SPOCK1: variants seen among roughly 807,000 people sequenced by gnomAD.
SPOCK1 encodes the protein testican-1.
In SPOCK1, 23 loss-of-function variants were observed where a neutral mutation model predicts 55.3. The ratio of observed to expected loss-of-function variants is 0.42; its 90% CI spans 0.30 to 0.59. The LOEUF is 0.59. SPOCK1 is among the 20% of genes least tolerant of loss of function. The pLI, the probability that SPOCK1 is intolerant of heterozygous loss-of-function variation, is 0.22. For synonymous variants in SPOCK1, 226 were observed against 221.0 expected (o/e 1.02, Z -0.20); for missense variants, 499 against 552.5 (o/e 0.90, Z 0.97).
chr5:137,445,903 A>G (rs1753118062), intron 2 of SPOCK1, among the ~76,000 whole-genome samples: 1 of 152,216 alleles, frequency 6.6e-6, no homozygotes, highest in South Asian at 2.1e-4. Context: ...AACTAGATAT[A>G]GTTTTCTAAA....
chr5:137,474,909 A>T (rs1350462762), intron 2 of SPOCK1, among the ~76,000 whole-genome samples: 1 of 152,230 alleles, frequency 6.6e-6, no homozygotes. Context: ...GTAATACTAT[A>T]GGAAAGGACC....
chr5:137,133,462 C>T (rs765563688), intron 4 of SPOCK1, among the ~76,000 whole-genome samples: 48 of 152,150 alleles, frequency 3.2e-4, no homozygotes, highest in Non-Finnish European at 4.9e-4. Context: ...CATTCTGTTC[C>T]TTAATCCAAG....
At chr5:137,245,790 A>C (rs1340143875) in intron 3 of SPOCK1, among the ~76,000 whole-genome samples, 3 of 147,492 alleles carry the variant, frequency 2.0e-5, no homozygotes, top group African/African-American at 7.3e-5. Context: ...AAAAAAACAA[A>C]AAAAAAAACT....
chr5:137,475,900 A>G (rs746675893), intron 2 of SPOCK1, among the ~76,000 whole-genome samples: 1 of 152,150 alleles, frequency 6.6e-6, no homozygotes. Context: ...ATAAAAAAAG[A>G]TGAAGATGTT....
intron 2 of SPOCK1, among the ~76,000 whole-genome samples, chr5:137,480,738 G>T (rs1352342573): frequency 6.6e-6 from 1 of 152,140 alleles, no homozygotes; most frequent in Non-Finnish European, 1.5e-5. Context: ...TAGCCTGGAA[G>T]TCAGGAGGGT....
chr5:137,359,955 C>A (rs1750905485), intron 2 of SPOCK1, among the ~76,000 whole-genome samples: 1 of 152,166 alleles, frequency 6.6e-6, no homozygotes, highest in Non-Finnish European at 1.5e-5. Flanking sequence ...ACTACTAAAT[C>A]CCCACAAGGG....
intron 2 of SPOCK1, among the ~76,000 whole-genome samples, chr5:137,428,950 C>T (rs941282406): frequency 1.3e-5 from 2 of 152,184 alleles, no homozygotes; most frequent in Non-Finnish European, 2.9e-5. Context: ...CTTGTTCTTC[C>T]CCAACCTGTT....
At chr5:137,262,379 C>T (rs924113381) in intron 3 of SPOCK1, among the ~76,000 whole-genome samples, 2 of 152,188 alleles carry the variant, frequency 1.3e-5, no homozygotes, top group African/African-American at 4.8e-5. Context: ...CTGCATAAGG[C>T]CAAGGCATAG....
rs1376643930 is a variant in SPOCK1 at position 137,326,330 on chromosome 5, G to A, written c.187-59275C>T. ...CAGACTTTAAGAAATCAGGCCAAAG[G>A]CATTCGATTCTTAGGCTATAACCAG... On this transcript the variant is annotated intron_variant, in intron 2 of 10. Transcript: ENST00000394945. 3.3e-5 allele frequency among the ~76,000 whole-genome samples: 5 copies of A among 151,902 alleles called. No individual in the cohort carries two copies. The East Asian group carries it at 9.7e-4, about 29-fold the overall frequency.
intron 6 of SPOCK1, among the ~76,000 whole-genome samples, chr5:137,003,070 T>C (rs1751180429): frequency 6.6e-6 from 1 of 152,200 alleles, no homozygotes. Context: ...AATGCTCTGC[T>C]CAAATTATAT....
chr5:137,251,972 T>A (rs1253224274), intron 3 of SPOCK1, among the ~76,000 whole-genome samples: 1 of 150,474 alleles, frequency 6.6e-6, no homozygotes, highest in Non-Finnish European at 1.5e-5. Flanking sequence ...CAGGCTGGAG[T>A]GCAGTGGTGC....
At position 137,442,178 on chromosome 5, in the gene SPOCK1, A is replaced by G. The variant is rs547517625; in HGVS notation, c.186+56195T>C. On this transcript the variant is annotated intron_variant, in intron 2 of 10. Coordinates refer to ENST00000394945, the MANE Select transcript of SPOCK1 (RefSeq NM_004598.4). ...AGTCCAGCTGCAGACTAAGGCCTCT[A>G]TATGGGTTGTTTGAAATGTTTTGGG... Among the ~76,000 whole-genome samples, 13 of 152,354 alleles carry G rather than the reference A, an allele frequency of 8.5e-5. No homozygotes were observed. The South Asian group carries it at 1.9e-3, about 22-fold the overall frequency.
intron 6 of SPOCK1, among the ~76,000 whole-genome samples, chr5:137,055,400 T>TG (rs1752282446): frequency 6.6e-6 from 1 of 152,166 alleles, no homozygotes; most frequent in Non-Finnish European, 1.5e-5. Flanking sequence ...GTTTTAAGCT[T>TG]TAAATTTTAA....
At chr5:137,359,163 C>T (rs1376581706) in intron 2 of SPOCK1, among the ~76,000 whole-genome samples, 2 of 152,118 alleles carry the variant, frequency 1.3e-5, no homozygotes, top group Admixed American at 6.5e-5. Context: ...GGCACAAGAC[C>T]CTCTTAAGAA....
chr5:137,479,470 G>A (rs1003136717), intron 2 of SPOCK1, among the ~76,000 whole-genome samples: 10 of 152,212 alleles, frequency 6.6e-5, no homozygotes, highest in African/African-American at 2.2e-4. Flanking sequence ...TAATACCACT[G>A]GCCAAGCATG....
intron 3 of SPOCK1, among the ~76,000 whole-genome samples, chr5:137,169,144 G>A (rs1754701374): frequency 6.6e-6 from 1 of 151,990 alleles, no homozygotes; most frequent in African/African-American, 2.4e-5. Context: ...ACAATTGAAT[G>A]TATGGATATA....
chr5:137,292,144 G>A (rs981426278), intron 2 of SPOCK1, among the ~76,000 whole-genome samples: 5 of 152,034 alleles, frequency 3.3e-5, no homozygotes, highest in Admixed American at 2.0e-4. Flanking sequence ...ACAATAACTC[G>A]GCTTTGTATG....
At position 137,317,656 on chromosome 5, in the gene SPOCK1, C is replaced by A. The variant is rs139988943; in HGVS notation, c.187-50601G>T. 1.1e-3 allele frequency among the ~76,000 whole-genome samples: 169 copies of A among 152,300 alleles called. 4 individuals are homozygous for A. The Middle Eastern group carries it at 0.014, about 12-fold the overall frequency. On this transcript the variant is annotated intron_variant, in intron 2 of 10. Transcript: ENST00000394945. ...GTATTGTTCTTCACCATGTCTGACA[C>A]GTCAACCCTACAAGTCAACAGGTTG... is the stretch of plus-strand genomic sequence containing the variant.
chr5:137,370,435 T>C (rs1352010392), intron 2 of SPOCK1, among the ~76,000 whole-genome samples: 1 of 152,102 alleles, frequency 6.6e-6, no homozygotes, highest in East Asian at 1.9e-4. Flanking sequence ...TGTCAAGAGG[T>C]GAGGAATAAA....
Sources: gnomAD v4.1 joint callset for allele counts (sites outside exome capture counted in the v4.1 genomes callset) on GRCh38, gnomAD v4.1.1 for gene constraint, MANE v1.5 for transcripts, NCBI Gene and HGNC (gene_info 2026-07-23, HGNC 2026-07-21) for gene names.